Variants in IPCEF1 observed in about 807,000 individuals in gnomAD.
The protein encoded by IPCEF1 is interaction protein for cytohesin exchange factors 1, also known as interactor protein for cytohesin exchange factors 1.
A neutral mutation model predicts 50.9 loss-of-function variants in IPCEF1; 31 were observed. That is an observed-to-expected ratio of 0.61 (90% CI 0.46 to 0.82). The LOEUF is 0.82. IPCEF1 is among the 40% of genes least tolerant of loss of function. The pLI, the probability that IPCEF1 is intolerant of heterozygous loss-of-function variation, is 0.00. For synonymous variants in IPCEF1, 181 were observed against 192.0 expected (o/e 0.94, Z 0.47); for missense variants, 458 against 514.0 (o/e 0.89, Z 1.05).
At chr6:154,319,677 G>A (rs748165975) in intron 1 of IPCEF1, among the ~76,000 whole-genome samples, 13 of 152,278 alleles carry the variant, frequency 8.5e-5, no homozygotes, top group South Asian at 2.1e-4. Context: ...GACGCGAAGC[G>A]GGGAAACATC....
intron 2 of IPCEF1, among the ~76,000 whole-genome samples, chr6:154,284,301 G>C (rs1407091658): frequency 6.6e-6 from 1 of 152,188 alleles, no homozygotes; most frequent in East Asian, 1.9e-4. Context: ...GGAATTGTAA[G>C]TGTGACTGAT....
intron 1 of IPCEF1, among the ~76,000 whole-genome samples, chr6:154,309,990 C>G (rs1449145684): frequency 6.6e-6 from 1 of 152,166 alleles, no homozygotes; most frequent in Non-Finnish European, 1.5e-5. Flanking sequence ...TCTTGAACTC[C>G]TGACCTCAAG....
intron 5 of IPCEF1, among the ~76,000 whole-genome samples, chr6:154,227,075 G>A (rs1302775171): frequency 1.3e-5 from 2 of 152,092 alleles, no homozygotes; most frequent in African/African-American, 2.4e-5. Context: ...GCGGACGCCT[G>A]TAATCCCAGC....
intron 10 of IPCEF1, among the ~76,000 whole-genome samples, chr6:154,195,432 C>T (rs1157072056): frequency 6.6e-6 from 1 of 152,128 alleles, no homozygotes; most frequent in Non-Finnish European, 1.5e-5. Context: ...CAGGTGTGAG[C>T]CACCGTGCCT....
intron 1 of IPCEF1, 103 bp from the exon 2 acceptor site, chr6:154,289,859 C>T (rs1782468734): frequency 6.6e-6 from 1 of 151,746 alleles, no homozygotes; most frequent in Admixed American, 6.6e-5. Flanking sequence ...CAGAATCCCA[C>T]CACATCAACC....
chr6:154,268,382 G>C (rs192259399), intron 2 of IPCEF1, among the ~76,000 whole-genome samples: 1 of 152,200 alleles, frequency 6.6e-6, no homozygotes, highest in South Asian at 2.1e-4. Context: ...CACCCAGGGA[G>C]CTCCATCTCA....
rs1178723776 is a variant in IPCEF1 at position 154,246,880 on chromosome 6, G to C, written c.77-120C>G. The C allele has an allele frequency of 4.3e-6, 5 of 1,167,928 alleles. No homozygotes were observed. The East Asian group carries it at 1.5e-4, about 35-fold the overall frequency. 72.3% of individuals were successfully genotyped at this position (1,167,928 alleles called of 1,614,324 possible). ...TTAATTGTTAACCCCCCGGGGAGCT[G>C]GATTTTTCACCAAGATTTATGCAAA... is the stretch of plus-strand genomic sequence containing the variant. On this transcript the variant is annotated intron_variant, in intron 4 of 11. Transcript: ENST00000367220.
intron 2 of IPCEF1, among the ~76,000 whole-genome samples, chr6:154,273,693 C>CTTTTTTCT (rs1781955868): frequency 5.2e-5 from 1 of 19,072 alleles, no homozygotes. Context: ...TTATTTTAAG[C>CTTTTTTCT]TTTTTTCTTT....
At chr6:154,191,135 A>G (rs1316705020) in intron 10 of IPCEF1, among the ~76,000 whole-genome samples, 1 of 152,200 alleles carries the variant, frequency 6.6e-6, no homozygotes, top group East Asian at 1.9e-4. Flanking sequence ...AAAGAAGCCA[A>G]TCTGAAAAGG....
chr6:154,305,885 G>T (rs1782919203), intron 1 of IPCEF1, among the ~76,000 whole-genome samples: 1 of 152,160 alleles, frequency 6.6e-6, no homozygotes, highest in Admixed American at 6.5e-5. Context: ...TACACCAGTG[G>T]TTTACCAAGG....
intron 5 of IPCEF1, among the ~76,000 whole-genome samples, chr6:154,239,894 G>C (rs1368259263): frequency 6.6e-6 from 1 of 152,114 alleles, no homozygotes; most frequent in Non-Finnish European, 1.5e-5. Flanking sequence ...GTAGAGGGGG[G>C]TTTCACCATG....
intron 3 of IPCEF1, among the ~76,000 whole-genome samples, chr6:154,256,352 T>A (rs1781460661): frequency 6.6e-6 from 1 of 152,186 alleles, no homozygotes; most frequent in African/African-American, 2.4e-5. Flanking sequence ...CCTCCTAAAA[T>A]CATTACATTG....
rs576947904 is a variant in IPCEF1, at chr6:154,289,303, A to C, written c.-18+410T>G. Among the ~76,000 whole-genome samples the C allele has an allele frequency of 2.1e-4, 32 of 151,830 alleles. 1 individual carries two copies. The highest frequency in any genetic ancestry group is 3.7e-4 in the Non-Finnish European group (25 of 67,978). On this transcript the variant is annotated intron_variant, in intron 2 of 11. Transcript: ENST00000367220. ...ATATAAATATTTAATTGTTATTATT[A>C]GTAAATTTAAATCAGTAAGTACTCC...
At chr6:154,320,764 T>C (rs1783351866) in intron 1 of IPCEF1, among the ~76,000 whole-genome samples, 2 of 152,126 alleles carry the variant, frequency 1.3e-5, no homozygotes, top group Non-Finnish European at 2.9e-5. Context: ...TCCAGCTACT[T>C]GGGAGACTAA....
intron 1 of IPCEF1, among the ~76,000 whole-genome samples, chr6:154,348,125 CT>C (rs1446862737): frequency 6.6e-6 from 1 of 152,166 alleles, no homozygotes; most frequent in Non-Finnish European, 1.5e-5. Flanking sequence ...TCCAGCGTTC[CT>C]CTCAAGGCAA....
intron 2 of IPCEF1, among the ~76,000 whole-genome samples, chr6:154,275,725 G>A (rs1013611361): frequency 2.0e-5 from 3 of 152,068 alleles, no homozygotes; most frequent in Admixed American, 6.6e-5. Context: ...AAAGTGAGCA[G>A]CTATACCCCA....
intron 3 of IPCEF1, among the ~76,000 whole-genome samples, chr6:154,261,860 AG>A (rs1476668083): frequency 6.6e-6 from 1 of 152,164 alleles, no homozygotes; most frequent in Non-Finnish European, 1.5e-5. Context: ...TTTATACCCC[AG>A]CACCAAGCAG....
rs189933824 is a variant in IPCEF1 at position 154,349,183 on chromosome 6, C to G, written c.-62+7489G>C. ...TTCTCAGAGGTTTGTATTATTTTAT[C>G]TTATTATTATTATTATTATTATTAT... On this transcript the variant is annotated intron_variant, in intron 1 of 11. Coordinates refer to ENST00000367220, the MANE Select transcript of IPCEF1 (RefSeq NM_001130700.2). Among the ~76,000 whole-genome samples the G allele has an allele frequency of 1.5e-3, 220 of 147,598 alleles. 1 individual carries two copies. Among genetic ancestry groups the G allele is most frequent in the African/African-American group, 5.4e-3 (215 of 39,948 alleles).
At chr6:154,337,032 T>C (rs1783801832) in intron 1 of IPCEF1, among the ~76,000 whole-genome samples, 1 of 152,176 alleles carries the variant, frequency 6.6e-6, no homozygotes, top group African/African-American at 2.4e-5. Context: ...TGATAAATAC[T>C]GGAAGTGATG....
Sources: allele counts gnomAD v4.1 joint callset (sites outside exome capture counted in the v4.1 genomes callset), GRCh38; gene constraint gnomAD v4.1.1; transcripts MANE v1.5; gene names NCBI Gene and HGNC (gene_info 2026-07-23, HGNC 2026-07-21).